POU2F2: variants seen among roughly 807,000 people sequenced by gnomAD.
POU2F2 encodes the protein POU domain, class 2, transcription factor 2.
Under a neutral mutation model 63.5 loss-of-function variants are expected in POU2F2, and 14 were observed. The observed-to-expected ratio is 0.22, with a 90% CI of 0.15 to 0.34. The LOEUF (loss-of-function observed/expected upper bound fraction) is 0.34, where lower values mean the gene tolerates loss of function less well. Ranked by LOEUF, POU2F2 falls within the 10% of genes least tolerant of loss-of-function variation. POU2F2 has a pLI of 1.00. For synonymous variants in POU2F2, 306 were observed against 348.6 expected (o/e 0.88, Z 1.36); for missense variants, 607 against 815.2 (o/e 0.74, Z 3.11).
At chr19:42,186,761 C>A (rs547201837) in intron 1 of POU2F2, among the ~76,000 whole-genome samples, 4 of 152,172 alleles carry the variant, frequency 2.6e-5, no homozygotes, top group African/African-American at 9.6e-5. Flanking sequence ...CTCAAGTCAG[C>A]AGGGCTTTAT....
chr19:42,194,808 GGAA>G (rs2035113615), intron 1 of POU2F2, among the ~76,000 whole-genome samples: 2 of 131,062 alleles, frequency 1.5e-5, no homozygotes, highest in Non-Finnish European at 3.2e-5. Context: ...GAGGGAGGGA[GGAA>G]GAAGGAAGAA....
chr19:42,189,259 T>G (rs991346416), intron 1 of POU2F2, among the ~76,000 whole-genome samples: 1 of 152,170 alleles, frequency 6.6e-6, no homozygotes, highest in African/African-American at 2.4e-5. Context: ...CTACTGGATA[T>G]GCTTCCATGA....
In POU2F2 at chr19:42,093,869, G is replaced by A; in HGVS notation, c.1224C>T (p.Thr408=). Residue 408 remains threonine (T), a synonymous_variant, in exon 12 of 15, where the codon ACC becomes ACT. Transcript: ENST00000692977. ...TGCTGGAAGCTTGGGACAACGGTAA[G>A]GTCCCCGCGCCCCCTTGGGGTGTGA... ...HMVTPQGGAG[T]LPLSQASSSL... 3 of 1,612,216 alleles carry A rather than the reference G, an allele frequency of 1.9e-6. No individual in the cohort carries two copies. The highest frequency in any genetic ancestry group is 1.7e-6 in the Non-Finnish European group (2 of 1,178,572).
chr19:42,119,282 G>A (rs1370439912), intron 4 of POU2F2, among the ~76,000 whole-genome samples: 1 of 152,178 alleles, frequency 6.6e-6, no homozygotes, highest in Non-Finnish European at 1.5e-5. Flanking sequence ...TTGATCTGGT[G>A]CTAGTGACAT....
rs990398697 is a variant in POU2F2, at chr19:42,169,783, A to C, written c.-70+6180T>G. ...GTGTGTGTGTGTGTCGGGGTGATAT[A>C]AACACATGTGCGTGTGTACCTGTGT... On this transcript the variant is annotated intron_variant, in intron 1 of 6. Coordinates refer to the POU2F2 transcript ENST00000524801. This position sits in a 1 kb window ranked among gnomAD's most constrained non-coding sequence, Gnocchi z 4.3. 6.6e-6 allele frequency among the ~76,000 whole-genome samples: 1 copy of C among 151,970 alleles called. No individual in the cohort carries two copies. Among genetic ancestry groups the C allele is most frequent in the Admixed American group, 6.5e-5 (1 of 15,276 alleles).
At position 42,105,999 on chromosome 19, in the gene POU2F2, TTTTCTTTCTTTCTTTCTTTC is replaced by T. The variant is rs56400477; in HGVS notation, c.370-6198_370-6179del. On this transcript the variant is annotated intron_variant, in intron 5 of 14. Transcript: ENST00000692977. ...ACATATGATATATAGGATCTTTCTT[TTTTCTTTCTTTCTTTCTTTC>T]TTTCTTTCTTTCTTTCTTTCTTTCT... Among the ~76,000 whole-genome samples the T allele has an allele frequency of 2.6e-3, 344 of 132,320 alleles. 1 individual carries two copies. Among genetic ancestry groups the T allele is most frequent in the Middle Eastern group, 7.4e-3 (2 of 270 alleles). The allele number at this position is 132,320 out of a possible 152,430, so 86.8% of individuals were successfully genotyped here.
chr19:42,153,474 G>T lies in POU2F2; in HGVS notation c.-9+6858C>A, dbSNP rs545567408. Among the ~76,000 whole-genome samples the T allele has an allele frequency of 6.6e-5, 10 of 152,120 alleles. No individual in the cohort carries two copies. The highest frequency in any genetic ancestry group is 1.5e-4 in the Non-Finnish European group (10 of 68,014). On this transcript the variant is annotated intron_variant, in intron 2 of 6. Transcript: ENST00000524801. This position sits in a 1 kb window ranked among gnomAD's most constrained non-coding sequence, Gnocchi z 5.6. The stretch of plus-strand genomic sequence containing the variant: ...GGGAAGCCTGTGTGTGTTGGCGTGC[G>T]CATGCCCCTGACAGAGTGTGTCTGA...
chr19:42,148,498 G>C (rs1342076947), intron 2 of POU2F2, among the ~76,000 whole-genome samples: 1 of 152,144 alleles, frequency 6.6e-6, no homozygotes, highest in African/African-American at 2.4e-5. Flanking sequence ...GTAGCTGTGA[G>C]GCCAGAGGTG....
rs1373641314 is a variant in POU2F2, at chr19:42,189,580, C to G, written c.-70+6803G>C. On this transcript the variant is annotated intron_variant, in intron 1 of 5. Coordinates refer to the POU2F2 transcript ENST00000532176. Reference sequence around the variant, plus strand: ...TAAATATCTTTCTTGCTTAAGTTAGCAAGAGTCGGTCTCTGTTGCTGCAGC... The same window carrying G: ...TAAATATCTTTCTTGCTTAAGTTAGGAAGAGTCGGTCTCTGTTGCTGCAGC... 4.6e-5 allele frequency among the ~76,000 whole-genome samples: 7 copies of G among 152,240 alleles called. No individual in the cohort carries two copies. The South Asian group carries it at 1.2e-3, about 27-fold the overall frequency.
chr19:42,141,435 TG>T (rs1488736831), intron 2 of POU2F2, among the ~76,000 whole-genome samples: 2 of 151,014 alleles, frequency 1.3e-5, no homozygotes, highest in Non-Finnish European at 2.9e-5. Context: ...ATCTGTGAAA[TG>T]GGGGCAGTAA....
chr19:42,190,827 AG>A (rs1357059635), intron 1 of POU2F2, among the ~76,000 whole-genome samples: 1 of 152,172 alleles, frequency 6.6e-6, no homozygotes, highest in African/African-American at 2.4e-5. Context: ...TGGTAGGCCA[AG>A]GAAGTTCTGT....
chr19:42,117,894 G>A lies in POU2F2; in HGVS notation c.187-462C>T, dbSNP rs1292770329. Among the ~76,000 whole-genome samples the A allele has an allele frequency of 2.6e-5, 4 of 151,228 alleles. No homozygotes were observed. The highest frequency in any genetic ancestry group is 4.4e-5 in the Non-Finnish European group (3 of 67,854). On this transcript the variant is annotated intron_variant, in intron 4 of 14. Transcript: ENST00000692977. The surrounding 1 kb of genome is among the most constrained non-coding windows in gnomAD (Gnocchi z 4.4). ...CTTCTGGGTCCCACACCCTTCATCT[G>A]TATCACACAGAGGTACATCTCTCTT...
Position 42,117,899 on chromosome 19 carries a change from A to G in POU2F2, c.187-467T>C, listed in dbSNP as rs1462337288. ...GGGTCCCACACCCTTCATCTGTATCACACAGAGGTACATCTCTCTTGCTTT... is the reference window on the plus strand; with the variant it reads ...GGGTCCCACACCCTTCATCTGTATCGCACAGAGGTACATCTCTCTTGCTTT... On this transcript the variant is annotated intron_variant, in intron 4 of 14. Transcript: ENST00000692977. This position sits in a 1 kb window ranked among gnomAD's most constrained non-coding sequence, Gnocchi z 4.4. 6.6e-6 allele frequency among the ~76,000 whole-genome samples: 1 copy of G among 151,508 alleles called. No homozygotes were observed. The highest frequency in any genetic ancestry group is 2.4e-5 in the African/African-American group (1 of 41,272).
At chr19:42,091,977 G>A (rs775047148) in intron 13 of POU2F2, 37 bp from the exon 14 acceptor site, 143 of 1,535,650 alleles carry the variant, frequency 9.3e-5, no homozygotes, top group Middle Eastern at 1.7e-4. Context: ...GCAGGGGCAG[G>A]GACCTGCCAA....
chr19:42,172,957 G>A (rs1431479129), intron 1 of POU2F2, among the ~76,000 whole-genome samples: 1 of 152,212 alleles, frequency 6.6e-6, no homozygotes, highest in Non-Finnish European at 1.5e-5. Context: ...CTCGGTATGA[G>A]GAGGACCTTG....
At chr19:42,093,645 T>C (rs2076814183) in intron 12 of POU2F2, 184 bp downstream of exon 12, 1 of 483,644 alleles carries the variant, frequency 2.1e-6, no homozygotes, top group Non-Finnish European at 3.6e-6. Flanking sequence ...AGATTAAAGC[T>C]GAGTTGCTCC....
intron 1 of POU2F2, chr19:42,123,253 C>T (rs1327842814): frequency 6.6e-6 from 1 of 152,462 alleles, no homozygotes; most frequent in African/African-American, 2.4e-5. Context: ...AGCTTGTCCT[C>T]CAATCTAAAC....
intron 1 of POU2F2, among the ~76,000 whole-genome samples, chr19:42,161,284 G>A (rs1232908345): frequency 9.2e-5 from 14 of 152,190 alleles, no homozygotes; most frequent in Non-Finnish European, 2.9e-5. Context: ...GGGGAAAGAC[G>A]AGGCTTCCAG....
intron 12 of POU2F2, chr19:42,093,347 T>A (rs983884231): frequency 6.6e-6 from 1 of 152,260 alleles, no homozygotes; most frequent in Non-Finnish European, 1.5e-5. Flanking sequence ...TGTATAACCA[T>A]ACATATAAAC....
Sources: allele counts gnomAD v4.1 joint callset (sites outside exome capture counted in the v4.1 genomes callset), GRCh38; gene constraint gnomAD v4.1.1; non-coding constraint Gnocchi (gnomAD v3.1); transcripts MANE v1.5; gene names NCBI Gene and HGNC (gene_info 2026-07-23, HGNC 2026-07-21).